Variants in PPP2R1B observed in about 807,000 individuals in gnomAD.
PPP2R1B encodes the protein serine/threonine-protein phosphatase 2A 65 kDa regulatory subunit A beta isoform.
PPP2R1B carries 58 observed loss-of-function variants against 72.7 expected under a neutral mutation model. The observed-to-expected ratio is 0.80, with a 90% CI of 0.65 to 0.99. PPP2R1B has a LOEUF of 0.99. PPP2R1B is among the 50% of genes least tolerant of loss of function. The pLI, the probability that PPP2R1B is intolerant of heterozygous loss-of-function variation, is 0.00. For missense variants in PPP2R1B, 695 were observed against 733.6 expected, an observed-to-expected ratio of 0.95 and a Z score of 0.61; for synonymous variants, 256 against 264.6, an observed-to-expected ratio of 0.97 and a Z score of 0.32.
At chr11:111,712,348 GGAA>G in the PPP2R1B span, 9 of 1,614,046 alleles carry the variant, frequency 5.6e-6, no homozygotes, top group Non-Finnish European at 6.8e-6. Context: ...CTGCATTCAT[GGAA>G]GAAGAGTGTG....
At chr11:111,729,267 G>A (rs887873948) in intron 15 of PPP2R1B, 11 of 152,284 alleles carry the variant, frequency 7.2e-5, no homozygotes, top group African/African-American at 2.7e-4. Context: ...GCACACACTG[G>A]GGCACAGATA....
At chr11:111,709,180 T>C in the PPP2R1B span, among the ~76,000 whole-genome samples, 1 of 152,224 alleles carries the variant, frequency 6.6e-6, no homozygotes, top group Non-Finnish European at 1.5e-5. Flanking sequence ...TCTTGGCTTG[T>C]AGCTGGCTGT....
intron 11 of PPP2R1B, among the ~76,000 whole-genome samples, chr11:111,746,699 G>A (rs762979930): frequency 5.9e-5 from 9 of 152,082 alleles, no homozygotes; most frequent in African/African-American, 1.7e-4. Flanking sequence ...TCCCAGTAAC[G>A]TCAAATATTT....
Position 111,728,893 on chromosome 11 carries a change from C to A in PPP2R1B, c.1912-1836G>T, listed in dbSNP as rs972095169. The A allele has an allele frequency of 6.0e-5, 9 of 148,898 alleles. No homozygotes were observed. The South Asian group carries it at 1.7e-3, about 28-fold the overall frequency. The allele number at this position is 148,898 out of a possible 1,614,324, so 9.2% of individuals were successfully genotyped here. A position where few individuals can be genotyped will look rare whatever the true frequency, so the allele number is the denominator to read the frequency against. ...GAGCCAAGATCGTGCCACTGCACTCCAGCCTGGGCGACAGAGCAAGACTCC... is the reference window on the plus strand; with the variant it reads ...GAGCCAAGATCGTGCCACTGCACTCAAGCCTGGGCGACAGAGCAAGACTCC... On this transcript the variant is annotated intron_variant, in intron 15 of 15. Coordinates refer to the PPP2R1B transcript ENST00000311129.
chr11:111,688,204 C>G, the PPP2R1B span: 3 of 1,603,074 alleles, frequency 1.9e-6, no homozygotes, highest in Non-Finnish European at 2.6e-6. This position sits in a 1 kb window ranked among gnomAD's most constrained non-coding sequence, Gnocchi z 4.2. Context: ...CCGAAGTGAG[C>G]CACTGCACTC....
the PPP2R1B span, chr11:111,703,207 C>A: frequency 6.2e-7 from 1 of 1,613,742 alleles, no homozygotes; most frequent in Non-Finnish European, 8.5e-7. Context: ...CTATAGATTG[C>A]GAGCACCTTA....
chr11:111,728,046 C>A (rs1167217603), intron 15 of PPP2R1B: 1 of 152,184 alleles, frequency 6.6e-6, no homozygotes, highest in East Asian at 1.9e-4. Flanking sequence ...AGACAATATG[C>A]AGTGTGTCAT....
At chr11:111,706,669 A>AT in the PPP2R1B span, among the ~76,000 whole-genome samples, 1 of 152,184 alleles carries the variant, frequency 6.6e-6, no homozygotes, top group Non-Finnish European at 1.5e-5. Context: ...TATATATAAA[A>AT]TAAGAGTATT....
the PPP2R1B span, among the ~76,000 whole-genome samples, chr11:111,694,328 A>G: frequency 6.6e-6 from 1 of 152,158 alleles, no homozygotes; most frequent in African/African-American, 2.4e-5. Flanking sequence ...TGGTTGATGC[A>G]ACTTAATTTT....
rs115165302 is a variant in PPP2R1B at position 111,753,546 on chromosome 11, T to G, written c.1061A>C (p.Lys354Thr). The change falls in exon 9 of 15, where the codon AAA (lysine) becomes ACA (threonine). Residue 354 changes from lysine to threonine, a missense_variant. Coordinates refer to ENST00000527614, the MANE Select transcript of PPP2R1B (RefSeq NM_002716.5). ...ELVSDTNQHV[K>T]SALASVIMGL... ...CATAATTACAGAAGCTAGAGCCGAT[T>G]TGACATGTTGATTGGTATCGGATAC... 2 of 1,612,230 alleles carry G rather than the reference T, an allele frequency of 1.2e-6. No individual in the cohort carries two copies. The highest frequency in any genetic ancestry group is 1.7e-5 in the Admixed American group (1 of 59,740).
At chr11:111,717,336 A>AG in the PPP2R1B span, among the ~76,000 whole-genome samples, 129 of 150,642 alleles carry the variant, frequency 8.6e-4, 2 homozygotes, top group Non-Finnish European at 1.4e-3. Context: ...AAAAAAAAAA[A>AG]AAAAAAAGCT....
chr11:111,762,250 G>C (rs1486524946), intron 3 of PPP2R1B, among the ~76,000 whole-genome samples: 1 of 152,182 alleles, frequency 6.6e-6, no homozygotes, highest in Non-Finnish European at 1.5e-5. Flanking sequence ...AAAGAAGTGT[G>C]TCTAATAATA....
intron 5 of PPP2R1B, among the ~76,000 whole-genome samples, chr11:111,757,022 C>A (rs947089694): frequency 6.6e-6 from 1 of 150,950 alleles, no homozygotes; most frequent in Non-Finnish European, 1.5e-5. Context: ...GCTGAGGCAG[C>A]AGAATTGCTT....
chr11:111,754,935 C>T (rs374673346), intron 7 of PPP2R1B, 45 bp downstream of exon 7: 148 of 1,497,614 alleles, frequency 9.9e-5, no homozygotes, highest in Non-Finnish European at 1.3e-4. Context: ...AAAAAATGCA[C>T]CAAAATGAAT....
At chr11:111,720,619 C>T in the PPP2R1B span, 1 of 1,614,058 alleles carries the variant, frequency 6.2e-7, no homozygotes, top group Non-Finnish European at 8.5e-7. Context: ...CAGCCTTCAC[C>T]CCGCATGACA....
intron 9 of PPP2R1B, 128 bp downstream of exon 9, chr11:111,753,315 G>T: frequency 7.8e-7 from 1 of 1,283,312 alleles, no homozygotes; most frequent in Non-Finnish European, 1.1e-6. Flanking sequence ...AGGTGTCATT[G>T]GTTTAAAATA....
chr11:111,751,387 CTTTG>C (rs1478642685), intron 10 of PPP2R1B, among the ~76,000 whole-genome samples: 3 of 152,042 alleles, frequency 2.0e-5, no homozygotes, highest in South Asian at 2.1e-4. Context: ...TATTCTATGG[CTTTG>C]TTTTTCGGTG....
At chr11:111,755,556 C>A in intron 5 of PPP2R1B, 106 bp from the exon 6 acceptor site, 5 of 961,378 alleles carry the variant, frequency 5.2e-6, no homozygotes, top group Non-Finnish European at 7.3e-6. Flanking sequence ...AAGACTGCCA[C>A]ACCTTATATA....
At chr11:111,712,579 G>A in the PPP2R1B span, among the ~76,000 whole-genome samples, 178 of 152,276 alleles carry the variant, frequency 1.2e-3, no homozygotes, top group African/African-American at 3.7e-3. Flanking sequence ...TGACCATTAC[G>A]TAATTTGTCA....
Sources: gnomAD v4.1 joint callset for allele counts (sites outside exome capture counted in the v4.1 genomes callset) on GRCh38, gnomAD v4.1.1 for gene constraint, Gnocchi (gnomAD v3.1) non-coding constraint, MANE v1.5 for transcripts, NCBI Gene and HGNC (gene_info 2026-07-23, HGNC 2026-07-21) for gene names.